Variants in DOCK8 observed in about 807,000 individuals in gnomAD.
DOCK8 encodes dedicator of cytokinesis protein 8.
DOCK8 carries 141 observed loss-of-function variants against 245.6 expected under a neutral mutation model. The observed-to-expected ratio is 0.57, with a 90% CI of 0.50 to 0.66. The LOEUF is 0.66. Ranked by LOEUF, DOCK8 falls within the 30% of genes least tolerant of loss-of-function variation. The pLI is 0.00. For missense variants in DOCK8, 2,965 were observed against 2,603.4 expected (o/e 1.14, Z -3.02); for synonymous variants, 1,168 against 970.2 (o/e 1.20, Z -3.79).
chr9:426,294 G>T (rs1430649335), intron 33 of DOCK8, among the ~76,000 whole-genome samples: 1 of 152,138 alleles, frequency 6.6e-6, no homozygotes, highest in African/African-American at 2.4e-5. Context: ...CTGCCCTACA[G>T]GAATACAGTC....
intron 2 of DOCK8, 136 bp downstream of exon 2, chr9:271,865 G>C (rs2048173414): frequency 5.9e-6 from 4 of 676,628 alleles, no homozygotes; most frequent in Non-Finnish European, 1.0e-5. Context: ...CTCTGTGACT[G>C]TGTCTGGACA....
At chr9:293,022 G>A (rs1360175360) in intron 4 of DOCK8, among the ~76,000 whole-genome samples, 1 of 152,156 alleles carries the variant, frequency 6.6e-6, no homozygotes, top group Non-Finnish European at 1.5e-5. Flanking sequence ...AGGAATATGT[G>A]TTTTAATTTT....
At chr9:277,489 GACATACAAAAGAAGAGTAACATACA>G (rs2048404028) in intron 2 of DOCK8, among the ~76,000 whole-genome samples, 11 of 135,754 alleles carry the variant, frequency 8.1e-5, no homozygotes, top group African/African-American at 3.3e-4. Context: ...GAGAAGAGAA[GACATACAAAAGAAGAGTAACATACA>G]AGAGAAGAGT....
At chr9:286,436 C>G in intron 2 of DOCK8, 25 bp from the exon 3 acceptor site, 9 of 1,612,228 alleles carry the variant, frequency 5.6e-6, no homozygotes, top group Non-Finnish European at 7.6e-6. Flanking sequence ...TGAGAACCTC[C>G]TTTTCCTTTT....
chr9:324,457 C>T (rs1184972705), intron 7 of DOCK8, among the ~76,000 whole-genome samples: 3 of 152,126 alleles, frequency 2.0e-5, no homozygotes, highest in African/African-American at 7.2e-5. Flanking sequence ...AAGACCTTCA[C>T]CAGTGTTCCA....
chr9:309,880 C>T (rs1463490532), intron 5 of DOCK8, among the ~76,000 whole-genome samples: 1 of 152,170 alleles, frequency 6.6e-6, no homozygotes, highest in African/African-American at 2.4e-5. Context: ...CTCTTTATTT[C>T]CCAGTGCAGT....
rs569406014 is a variant in DOCK8, at chr9:238,837, T to C, written c.53+23808T>C. ...GCAAACAAGTACAATAATTATTTAC[T>C]GAGTTATTCCAGTTCGGGGTCGTGG... is the stretch of plus-strand genomic sequence containing the variant. On this transcript the variant is annotated intron_variant, in intron 1 of 47. Transcript: ENST00000432829. Among the ~76,000 whole-genome samples, 30 of 152,348 alleles carry C rather than the reference T, an allele frequency of 2.0e-4. 1 individual carries two copies. Among genetic ancestry groups the C allele is most frequent in the African/African-American group, 7.0e-4 (29 of 41,586 alleles).
chr9:344,803 T>C (rs2051791547), intron 14 of DOCK8, among the ~76,000 whole-genome samples: 1 of 152,190 alleles, frequency 6.6e-6, no homozygotes, highest in Admixed American at 6.5e-5. Flanking sequence ...ATCCTAGCGC[T>C]TTCGGAGGCC....
intron 1 of DOCK8, chr9:215,317 A>G: frequency 6.2e-7 from 1 of 1,604,070 alleles, no homozygotes. Context: ...TCCGCCCTCC[A>G]GGTTCTTACA....
At chr9:370,138 A>G (rs992091293) in intron 15 of DOCK8, 92 bp from the exon 16 acceptor site, 15 of 1,116,458 alleles carry the variant, frequency 1.3e-5, no homozygotes, top group Middle Eastern at 2.0e-4. Context: ...ATGCAGCTCT[A>G]TGAGACCAGA....
At position 443,072 on chromosome 9, in the gene DOCK8, G is replaced by C. The variant is rs117953576; in HGVS notation, c.5491-355G>C. Among the ~76,000 whole-genome samples the C allele has an allele frequency of 5.8e-3, 883 of 152,252 alleles. 4 individuals are homozygous for C. Among genetic ancestry groups the C allele is most frequent in the Non-Finnish European group, 9.1e-3 (621 of 68,022 alleles). On this transcript the variant is annotated intron_variant, in intron 42 of 47. Coordinates refer to ENST00000432829, the MANE Select transcript of DOCK8 (RefSeq NM_203447.4). The stretch of plus-strand genomic sequence containing the variant: ...TTAGAGGTATATATTTTATCTTCTT[G>C]TGCACTGTGATTTGCCACAATATGG...
intron 1 of DOCK8, among the ~76,000 whole-genome samples, chr9:234,543 G>A (rs2047201963): frequency 6.6e-6 from 1 of 152,152 alleles, no homozygotes. Flanking sequence ...CCAATCAGAC[G>A]TAGATTTGGT....
intron 4 of DOCK8, 79 bp downstream of exon 4, chr9:289,660 G>T (rs555435541): frequency 2.3e-6 from 3 of 1,319,326 alleles, no homozygotes; most frequent in African/African-American, 3.0e-5. Flanking sequence ...TTAATACTTT[G>T]AACAGTTCTA....
Position 463,658 on chromosome 9 carries a change from G to C in DOCK8, c.6210G>C (p.Lys2070Asn). 1 of 1,613,848 alleles carries C rather than the reference G, an allele frequency of 6.2e-7. No homozygotes were observed. The highest frequency in any genetic ancestry group is 8.5e-7 in the Non-Finnish European group (1 of 1,180,036). The change falls in exon 47 of 48, where the codon AAG becomes AAC. Residue 2070 changes from lysine (K) to asparagine (N), a missense_variant. Lys to Asn is a moderately conservative substitution (Grantham distance 94, BLOSUM62 0). Around this residue, in one of 3 missense-constraint regions of DOCK8, gnomAD observed 134 missense variants for 128.1 expected, o/e 1.05. Transcript: ENST00000432829. ...AGCGGAAAATTCCAGAACTGTACAA[G>C]CCAATATTCAGAGTTGAGAGTCAAA... ...MIERKIPELYKPIFRVESQKR... is the reference protein window; with the variant it reads ...MIERKIPELYNPIFRVESQKR...
At chr9:238,394 T>G (rs956646971) in intron 1 of DOCK8, among the ~76,000 whole-genome samples, 6 of 152,190 alleles carry the variant, frequency 3.9e-5, no homozygotes, top group Admixed American at 3.3e-4. Context: ...AGGTAGCATG[T>G]AATACAACTG....
chr9:353,217 A>C (rs1436192389), intron 14 of DOCK8, among the ~76,000 whole-genome samples: 1 of 152,046 alleles, frequency 6.6e-6, no homozygotes, highest in Non-Finnish European at 1.5e-5. Flanking sequence ...TACCTCCAAA[A>C]CTCAGACAAG....
intron 38 of DOCK8, among the ~76,000 whole-genome samples, chr9:434,259 A>G (rs902440713): frequency 1.3e-5 from 2 of 152,212 alleles, no homozygotes; most frequent in Non-Finnish European, 2.9e-5. Context: ...AGAAAGAATA[A>G]TTAACTGTTA....
At position 463,545 on chromosome 9, in the gene DOCK8, C is replaced by T. The variant is rs751058288; in HGVS notation, c.6097C>T (p.Arg2033Cys). The T allele has an allele frequency of 8.1e-6, 13 of 1,614,026 alleles. No homozygotes were observed. In the Middle Eastern group the frequency reaches 4.9e-4, roughly 61 times the overall value. ...TGGTGAAGCTGTAGAGAAAAACAAG[C>T]GTCTCATCACGGCAGACCAGAGGGA... ...RCGEAVEKNK[R>C]LITADQREYQ... Residue 2033 changes from arginine (R) to cysteine (C), a missense_variant, in exon 47 of 48, where the codon CGT (arginine) becomes TGT (cysteine). Around this residue, in one of 3 missense-constraint regions of DOCK8, gnomAD observed 134 missense variants for 128.1 expected, o/e 1.05. Transcript: ENST00000432829.
chr9:310,551 C>T (rs529801478), intron 5 of DOCK8, among the ~76,000 whole-genome samples: 9 of 152,140 alleles, frequency 5.9e-5, no homozygotes, highest in Non-Finnish European at 7.4e-5. Flanking sequence ...CTCCACCTCC[C>T]GGGTTCAAGC....
Sources: allele counts gnomAD v4.1 joint callset (sites outside exome capture counted in the v4.1 genomes callset), GRCh38; gene constraint gnomAD v4.1.1; regional missense constraint gnomAD v4.1.1; transcripts MANE v1.5; gene names NCBI Gene and HGNC (gene_info 2026-07-23, HGNC 2026-07-21).